AKAP13: variants seen among roughly 807,000 people sequenced by gnomAD.
AKAP13 encodes the protein A-kinase anchoring protein 13, also known as A-kinase anchor protein 13.
A neutral mutation model predicts 264.5 loss-of-function variants in AKAP13; 80 were observed. The observed-to-expected ratio is 0.30, with a 90% confidence interval of 0.25 to 0.36. AKAP13 has a LOEUF of 0.36. Among genes scored for constraint, AKAP13 ranks in the 10% least tolerant of loss-of-function variants. The pLI, the probability that AKAP13 is intolerant of heterozygous loss-of-function variation, is 1.00. For synonymous variants in AKAP13, 1,380 were observed against 1,250.2 expected (o/e 1.10, Z -2.19); for missense variants, 3,712 against 3,435.2 (o/e 1.08, Z -2.01).
intron 1 of AKAP13, among the ~76,000 whole-genome samples, chr15:85,483,665 G>T (rs2151052371): frequency 7.3e-6 from 1 of 136,664 alleles, no homozygotes; most frequent in East Asian, 2.1e-4. Flanking sequence ...CAAAAAATCA[G>T]CTGGGTGTTG....
chr15:85,446,929 G>T (rs2073920713), intron 1 of AKAP13, among the ~76,000 whole-genome samples: 1 of 152,142 alleles, frequency 6.6e-6, no homozygotes, highest in African/African-American at 2.4e-5. Context: ...TTAAAAAAGT[G>T]AATGTGTAGT....
Position 85,722,111 on chromosome 15 carries a change from G to T in AKAP13, c.6373G>T (p.Val2125Leu), listed in dbSNP as rs756504440. Residue 2125 changes from valine (V) to leucine (L), a missense_variant, in exon 24 of 37, where the codon GTA becomes TTA. Transcript: ENST00000394518. ...YAKDKRFQAF[V>L]KKKMSSSVVR... The stretch of plus-strand genomic sequence containing the variant: ...CAAGGATAAGCGTTTTCAAGCCTTT[G>T]TAAAGGTATTGATAAGAAACATGAA... 6.2e-7 allele frequency: 1 copy of T among 1,613,918 alleles called. No homozygotes were observed. Among genetic ancestry groups the T allele is most frequent in the East Asian group, 2.2e-5 (1 of 44,878 alleles).
At chr15:85,445,334 G>A (rs1267317745) in intron 1 of AKAP13, among the ~76,000 whole-genome samples, 1 of 152,204 alleles carries the variant, frequency 6.6e-6, no homozygotes, top group Non-Finnish European at 1.5e-5. Context: ...CTCACAGTGG[G>A]AGTTACAGGC....
intron 5 of AKAP13, among the ~76,000 whole-genome samples, chr15:85,562,871 GTTT>G (rs71141408): frequency 1.4e-4 from 19 of 133,906 alleles, no homozygotes; most frequent in Admixed American, 4.5e-4. Context: ...GGTTTTTTTT[GTTT>G]TTTTTTTTTT....
chr15:85,564,051 A>G (rs928409096), intron 5 of AKAP13, among the ~76,000 whole-genome samples: 5 of 152,184 alleles, frequency 3.3e-5, no homozygotes, highest in Admixed American at 6.5e-5. Flanking sequence ...CCGGAATACT[A>G]CCACTTTGAA....
chr15:85,489,096 A>G (rs2075654502), intron 2 of AKAP13, among the ~76,000 whole-genome samples: 1 of 152,220 alleles, frequency 6.6e-6, no homozygotes, highest in Non-Finnish European at 1.5e-5. Flanking sequence ...TCTCCCTTTT[A>G]GACATGAGGA....
intron 5 of AKAP13, among the ~76,000 whole-genome samples, chr15:85,552,668 C>T (rs1433810123): frequency 2.2e-5 from 3 of 133,450 alleles, no homozygotes; most frequent in African/African-American, 8.3e-5. Context: ...CGTTCTGTCA[C>T]CCAGGCTGAA....
intron 1 of AKAP13, among the ~76,000 whole-genome samples, chr15:85,418,008 A>G (rs898309122): frequency 2.0e-5 from 3 of 151,100 alleles, no homozygotes; most frequent in African/African-American, 7.3e-5. Context: ...AAATTGAGAT[A>G]TTTTACATTT....
At chr15:85,409,416 G>A (rs897695428) in intron 1 of AKAP13, among the ~76,000 whole-genome samples, 1 of 151,612 alleles carries the variant, frequency 6.6e-6, no homozygotes, top group Non-Finnish European at 1.5e-5. Flanking sequence ...GACCTCAGGT[G>A]ATCTGCCTGC....
chr15:85,721,623 G>T (rs1177401868), intron 23 of AKAP13, among the ~76,000 whole-genome samples: 2 of 152,148 alleles, frequency 1.3e-5, no homozygotes, highest in African/African-American at 4.8e-5. Flanking sequence ...ATTTAAGATT[G>T]TCTCATGAAA....
chr15:85,597,699 G>C (rs1427686954), intron 8 of AKAP13, among the ~76,000 whole-genome samples: 1 of 152,114 alleles, frequency 6.6e-6, no homozygotes, highest in Non-Finnish European at 1.5e-5. Context: ...CACGGTATAG[G>C]GTGATCTGGG....
At chr15:85,645,781 T>TTG (rs763440532) in intron 9 of AKAP13, 37 bp from the exon 10 acceptor site, 158 of 1,541,638 alleles carry the variant, frequency 1.0e-4, no homozygotes, top group Non-Finnish European at 1.3e-4. Context: ...TTTTGTTTTT[T>TTG]TTTTTTCAAT....
At chr15:85,725,684 G>T (rs1370586834) in intron 26 of AKAP13, among the ~76,000 whole-genome samples, 1 of 152,162 alleles carries the variant, frequency 6.6e-6, no homozygotes, top group Non-Finnish European at 1.5e-5. Flanking sequence ...ATGTTACATA[G>T]GGGCCAACCT....
At chr15:85,387,447 C>A (rs750577020) in intron 1 of AKAP13, among the ~76,000 whole-genome samples, 3 of 152,188 alleles carry the variant, frequency 2.0e-5, no homozygotes, top group Non-Finnish European at 4.4e-5. Context: ...TCTCCCACGT[C>A]AGCCTCCCAA....
chr15:85,629,907 G>T (rs1596793004), intron 8 of AKAP13, among the ~76,000 whole-genome samples: 1 of 150,768 alleles, frequency 6.6e-6, no homozygotes, highest in East Asian at 2.0e-4. Context: ...AGCCTCCTGA[G>T]TAGCTGGGAT....
chr15:85,674,840 G>GTGTA (rs1555458081), intron 14 of AKAP13, among the ~76,000 whole-genome samples: 2 of 151,572 alleles, frequency 1.3e-5, no homozygotes, highest in South Asian at 2.1e-4. Context: ...GTGTGTGTGT[G>GTGTA]TATATATATA....
chr15:85,530,236 G>A (rs897168448), intron 3 of AKAP13, among the ~76,000 whole-genome samples: 4 of 152,094 alleles, frequency 2.6e-5, no homozygotes, highest in Admixed American at 2.6e-4. Context: ...ATCCCATTCT[G>A]CCTGAGTAAA....
chr15:85,447,418 T>G (rs1344272921), intron 1 of AKAP13, among the ~76,000 whole-genome samples: 1 of 152,198 alleles, frequency 6.6e-6, no homozygotes, highest in Non-Finnish European at 1.5e-5. Context: ...TAAGGTTTGC[T>G]ACACAGATAA....
chr15:85,416,297 C>G (rs2072241047), intron 1 of AKAP13, among the ~76,000 whole-genome samples: 1 of 152,116 alleles, frequency 6.6e-6, no homozygotes, highest in South Asian at 2.1e-4. Flanking sequence ...TGTTTCAGTA[C>G]TTTCTTGGGA....
Sources: gnomAD v4.1 joint callset for allele counts (sites outside exome capture counted in the v4.1 genomes callset) on GRCh38, gnomAD v4.1.1 for gene constraint, MANE v1.5 for transcripts, NCBI Gene and HGNC (gene_info 2026-07-23, HGNC 2026-07-21) for gene names.